PRSS23: variants seen among roughly 807,000 people sequenced by gnomAD.
PRSS23 encodes the protein serine protease 23, also known as protease, serine 23.
Under a neutral mutation model 34.7 loss-of-function variants are expected in PRSS23, and 25 were observed. The observed-to-expected ratio is 0.72, with a 90% CI of 0.53 to 1.01. The LOEUF (loss-of-function observed/expected upper bound fraction) is 1.01, where lower values mean the gene tolerates loss of function less well. Among genes scored for constraint, PRSS23 ranks in the 50% least tolerant of loss-of-function variants. The pLI, the probability that PRSS23 is intolerant of heterozygous loss-of-function variation, is 0.00. For synonymous variants in PRSS23, 176 were observed against 186.6 expected (o/e 0.94, Z 0.46); for missense variants, 445 against 475.6 (o/e 0.94, Z 0.60).
At chr11:86,919,529 A>G (rs1292387238) in intron 2 of PRSS23, among the ~76,000 whole-genome samples, 3 of 152,082 alleles carry the variant, frequency 2.0e-5, no homozygotes, top group African/African-American at 7.2e-5. Context: ...GATTGTAGAG[A>G]AGGCTTACTC....
intron 2 of PRSS23, among the ~76,000 whole-genome samples, chr11:86,848,959 C>T (rs919526031): frequency 2.8e-4 from 43 of 152,176 alleles, no homozygotes; most frequent in African/African-American, 9.7e-4. Flanking sequence ...ACTGCCCCCT[C>T]GCCCATGTCC....
At chr11:86,897,463 C>G (rs182068636) in intron 2 of PRSS23, among the ~76,000 whole-genome samples, 1 of 152,178 alleles carries the variant, frequency 6.6e-6, no homozygotes, top group African/African-American at 2.4e-5. Flanking sequence ...TTTATAGTAA[C>G]TCTTTATTTA....
chr11:86,942,251 A>C (rs1949212121), intron 2 of PRSS23, among the ~76,000 whole-genome samples: 1 of 152,248 alleles, frequency 6.6e-6, no homozygotes, highest in Non-Finnish European at 1.5e-5. Flanking sequence ...GGCTTTAAAA[A>C]GGACAGACAT....
chr11:86,794,280 A>G (rs1947967850), intron 1 of PRSS23, among the ~76,000 whole-genome samples: 1 of 152,196 alleles, frequency 6.6e-6, no homozygotes, highest in African/African-American at 2.4e-5. Flanking sequence ...TCCAGTATGC[A>G]AGTTAGAGTA....
intron 2 of PRSS23, among the ~76,000 whole-genome samples, chr11:86,833,803 C>G (rs1948380330): frequency 6.6e-6 from 1 of 152,172 alleles, no homozygotes; most frequent in African/African-American, 2.4e-5. Context: ...CTAGTCCTGT[C>G]TCTCAGTCCC....
chr11:86,815,455 C>T (rs893060049), downstream of PRSS23, among the ~76,000 whole-genome samples: 3 of 152,194 alleles, frequency 2.0e-5, no homozygotes, highest in African/African-American at 7.2e-5. Context: ...GCTGATTGAA[C>T]GAATGATCCC....
At chr11:86,948,692 A>T (rs148616777) in intron 2 of PRSS23, 1 of 152,246 alleles carries the variant, frequency 6.6e-6, no homozygotes, top group Non-Finnish European at 1.5e-5. Flanking sequence ...AGGTGCCCAG[A>T]TTCACCCAAG....
At chr11:86,929,062 C>G (rs1198589325) in intron 2 of PRSS23, among the ~76,000 whole-genome samples, 1 of 152,068 alleles carries the variant, frequency 6.6e-6, no homozygotes, top group African/African-American at 2.4e-5. Context: ...TGCCTCGTGC[C>G]TGTAATCCTA....
At chr11:86,868,090 G>A (rs1182077201) in intron 2 of PRSS23, among the ~76,000 whole-genome samples, 2 of 152,110 alleles carry the variant, frequency 1.3e-5, no homozygotes, top group South Asian at 2.1e-4. Context: ...AAGCCTAGGG[G>A]ACATGGGAGC....
rs562696353 is a variant in PRSS23, at chr11:86,897,762, C to A, written c.207-53454C>A. On this transcript the variant is annotated intron_variant, in intron 2 of 2. Transcript: ENST00000533902. ...GGGATTATGGTGTGAGCCACCACAC[C>A]TGACCAGTTTATGGTAACTCTTGCC... Among the ~76,000 whole-genome samples the A allele has an allele frequency of 5.3e-5, 8 of 152,320 alleles. No individual in the cohort carries two copies. The South Asian group carries it at 1.7e-3, about 32-fold the overall frequency.
chr11:86,898,616 C>T (rs1039280699), intron 2 of PRSS23, among the ~76,000 whole-genome samples: 4 of 152,204 alleles, frequency 2.6e-5, no homozygotes, highest in Non-Finnish European at 4.4e-5. Flanking sequence ...CTTCATGGGT[C>T]CCTGTCCTTG....
intron 1 of PRSS23, among the ~76,000 whole-genome samples, chr11:86,817,292 CTCTT>C (rs1423410262): frequency 6.6e-6 from 1 of 152,094 alleles, no homozygotes; most frequent in African/African-American, 2.4e-5. Flanking sequence ...GTTTTAAAAA[CTCTT>C]TCTTTTGAAA....
chr11:86,917,322 C>T (rs1949019889), intron 2 of PRSS23, among the ~76,000 whole-genome samples: 1 of 152,150 alleles, frequency 6.6e-6, no homozygotes, highest in African/African-American at 2.4e-5. Context: ...CCGTCTCAAT[C>T]AATCAATGAA....
chr11:86,833,004 G>GAAA, intron 2 of PRSS23: 3 of 354,914 alleles, frequency 8.5e-6, no homozygotes, highest in East Asian at 6.3e-5. Context: ...AAAAGACTGA[G>GAAA]AAAAAAAAAA....
At chr11:86,836,042 G>A (rs929259407) in intron 2 of PRSS23, among the ~76,000 whole-genome samples, 1 of 152,108 alleles carries the variant, frequency 6.6e-6, no homozygotes, top group Non-Finnish European at 1.5e-5. Flanking sequence ...TGAGAGTCAG[G>A]ATGTACAGGG....
At chr11:86,858,061 AC>A (rs2134928833) in intron 2 of PRSS23, 1 of 219,068 alleles carries the variant, frequency 4.6e-6, no homozygotes, top group South Asian at 7.2e-5. Context: ...CCCCTGTGAT[AC>A]TGTTCCTAAT....
intron 2 of PRSS23, chr11:86,949,930 A>C (rs1358036152): frequency 6.6e-6 from 1 of 152,556 alleles, no homozygotes; most frequent in East Asian, 1.9e-4. Context: ...TTCCCTTTAT[A>C]AAACTGAAAA....
At chr11:86,884,503 C>G (rs1396066635) in intron 2 of PRSS23, among the ~76,000 whole-genome samples, 1 of 152,122 alleles carries the variant, frequency 6.6e-6, no homozygotes, top group Non-Finnish European at 1.5e-5. Context: ...TTTCTCCATG[C>G]TGGCCAAGCT....
intron 2 of PRSS23, chr11:86,909,238 A>G (rs918697678): frequency 2.6e-5 from 4 of 152,176 alleles, no homozygotes; most frequent in African/African-American, 9.7e-5. Context: ...TCCTTAGGCT[A>G]AACAGCATGG....
Sources: allele counts gnomAD v4.1 joint callset (sites outside exome capture counted in the v4.1 genomes callset), GRCh38; gene constraint gnomAD v4.1.1; transcripts MANE v1.5; gene names NCBI Gene and HGNC (gene_info 2026-07-23, HGNC 2026-07-21).